The following FIG4 variants were observed in gnomAD, a reference collection of about 807,000 sequenced individuals.
FIG4 encodes polyphosphoinositide phosphatase.
FIG4 carries 112 observed loss-of-function variants against 118.6 expected under a neutral mutation model. The observed-to-expected ratio is 0.94, with a 90% CI of 0.81 to 1.11. The LOEUF (loss-of-function observed/expected upper bound fraction) is 1.11, where lower values mean the gene tolerates loss of function less well. Ranked by LOEUF, FIG4 falls within the 50% of genes least tolerant of loss-of-function variation. The pLI is 0.00. For missense variants in FIG4, 969 were observed against 1,111.7 expected (o/e 0.87, Z 1.83); for synonymous variants, 369 against 381.2 (o/e 0.97, Z 0.37).
intron 15 of FIG4, among the ~76,000 whole-genome samples, chr6:109,774,032 A>G (rs1046562651): frequency 6.6e-6 from 1 of 152,044 alleles, no homozygotes; most frequent in Non-Finnish European, 1.5e-5. Flanking sequence ...GGCTGGTCTC[A>G]ATCTTGTGAG....
At chr6:109,793,073 C>T (rs554535910) in intron 21 of FIG4, among the ~76,000 whole-genome samples, 3 of 152,234 alleles carry the variant, frequency 2.0e-5, no homozygotes, top group Admixed American at 2.0e-4. Context: ...AGCATTGAGG[C>T]GGTCAAATTC....
chr6:109,754,019 G>GTTGA (rs1776800324), intron 10 of FIG4, among the ~76,000 whole-genome samples: 1 of 152,130 alleles, frequency 6.6e-6, no homozygotes, highest in South Asian at 2.1e-4. Context: ...TCTTGTGCCA[G>GTTGA]TTTTCAAAGG....
intron 22 of FIG4, among the ~76,000 whole-genome samples, chr6:109,819,675 G>A (rs1778953508): frequency 6.6e-6 from 1 of 151,916 alleles, no homozygotes; most frequent in East Asian, 1.9e-4. Flanking sequence ...CACCATATTG[G>A]CCAGGCTGAT....
chr6:109,809,612 G>A (rs749834878), intron 22 of FIG4, among the ~76,000 whole-genome samples: 2 of 152,140 alleles, frequency 1.3e-5, no homozygotes, highest in African/African-American at 4.8e-5. Context: ...AACCAGGGAC[G>A]TTATTATGTT....
At chr6:109,695,432 G>A (rs544552699) in intron 1 of FIG4, among the ~76,000 whole-genome samples, 3 of 152,336 alleles carry the variant, frequency 2.0e-5, no homozygotes, top group East Asian at 1.9e-4. Flanking sequence ...ATGAGCAGCA[G>A]CATTGTTGTG....
intron 22 of FIG4, among the ~76,000 whole-genome samples, chr6:109,809,651 A>C (rs937751501): frequency 6.6e-6 from 1 of 152,202 alleles, no homozygotes; most frequent in Non-Finnish European, 1.5e-5. Flanking sequence ...TGCCAGCAGG[A>C]TGATATCTGT....
At chr6:109,778,422 A>T (rs1410936910) in intron 16 of FIG4, among the ~76,000 whole-genome samples, 1 of 150,698 alleles carries the variant, frequency 6.6e-6, no homozygotes, top group Non-Finnish European at 1.5e-5. Context: ...ATGAGCCGAG[A>T]TGGTGCCACG....
At chr6:109,725,842 A>G (rs911065034) in intron 3 of FIG4, among the ~76,000 whole-genome samples, 11 of 152,170 alleles carry the variant, frequency 7.2e-5, no homozygotes, top group African/African-American at 2.7e-4. Flanking sequence ...CATTTCTTTA[A>G]TGATAAGTGA....
chr6:109,743,425 G>A lies in FIG4; in HGVS notation c.1039+153G>A, dbSNP rs557806418. ...GAAGAGGAATTTCCGTTATTCTTAT[G>A]TAATAAATTTATGTTTAATTTTGAC... On this transcript the variant is annotated intron_variant, in intron 9 of 22. Coordinates refer to ENST00000230124, the MANE Select transcript of FIG4 (RefSeq NM_014845.6). The A allele has an allele frequency of 1.2e-5, 9 of 726,030 alleles. No homozygotes were observed. In the African/African-American group the frequency reaches 1.6e-4, roughly 13 times the overall value. 45.0% of individuals were successfully genotyped at this position (726,030 alleles called of 1,614,324 possible).
In FIG4 at chr6:109,784,961, AT is replaced by A; in HGVS notation, c.1890-5del. On this transcript the variant is annotated splice_region_variant and splice_polypyrimidine_tract_variant and intron_variant, in intron 16 of 22. Coordinates refer to ENST00000230124, the MANE Select transcript of FIG4 (RefSeq NM_014845.6). ...TGGTTCATCTTTTTTTTTAATTTTT[AT>A]TTTATAGTTATACTTACTGGTGGAC... The A allele has an allele frequency of 6.9e-7, 1 of 1,453,124 alleles. No individual in the cohort carries two copies. Among genetic ancestry groups the A allele is most frequent in the Non-Finnish European group, 9.5e-7 (1 of 1,056,684 alleles). 90.0% of individuals were successfully genotyped at this position (1,453,124 alleles called of 1,614,324 possible).
chr6:109,783,914 CA>C (rs1434396386), intron 16 of FIG4, among the ~76,000 whole-genome samples: 42 of 152,302 alleles, frequency 2.8e-4, no homozygotes, highest in African/African-American at 9.6e-4. Context: ...TGATTTGCCC[CA>C]CACAATTCAT....
intron 1 of FIG4, among the ~76,000 whole-genome samples, chr6:109,709,733 G>T (rs1239216042): frequency 6.6e-6 from 1 of 152,148 alleles, no homozygotes; most frequent in Non-Finnish European, 1.5e-5. Flanking sequence ...TTGTGAATGG[G>T]AGTTTGTCCC....
chr6:109,796,835 G>T lies in FIG4; in HGVS notation c.2530G>T (p.Asp844Tyr). 1 of 1,599,420 alleles carries T rather than the reference G, an allele frequency of 6.3e-7. No individual in the cohort carries two copies. The highest frequency in any genetic ancestry group is 8.6e-7 in the Non-Finnish European group (1 of 1,166,574). The change falls in exon 22 of 23, where the codon GAT (aspartate) becomes TAT (tyrosine). Residue 844 changes from aspartate to tyrosine, a missense_variant. Asp to Tyr is a radical substitution (Grantham distance 160, BLOSUM62 -3). Around this residue, in one of 3 missense-constraint regions of FIG4, gnomAD observed 330 missense variants for 348.1 expected, o/e 0.95. Coordinates refer to ENST00000230124, the MANE Select transcript of FIG4 (RefSeq NM_014845.6). ...CCAGCAGCCCTGTTCTAGGTGCTCA[G>T]ATGGAGTTATAAAACTGTAAGTACT... Reference protein sequence around the residue: ...NSQQPCSRCSDGVIKLTPISA... With the variant: ...NSQQPCSRCSYGVIKLTPISA...
chr6:109,720,117 A>G (rs1025299964), intron 3 of FIG4, among the ~76,000 whole-genome samples: 1 of 152,208 alleles, frequency 6.6e-6, no homozygotes, highest in African/African-American at 2.4e-5. Flanking sequence ...GTAAAGTAAG[A>G]CAATAACGTA....
intron 10 of FIG4, among the ~76,000 whole-genome samples, chr6:109,752,738 A>G (rs1206025619): frequency 1.3e-5 from 2 of 152,212 alleles, no homozygotes; most frequent in African/African-American, 4.8e-5. Context: ...TCTAGATATT[A>G]GCCCTTAGTC....
intron 18 of FIG4, 107 bp downstream of exon 18, chr6:109,786,556 C>G: frequency 7.9e-7 from 1 of 1,263,954 alleles, no homozygotes; most frequent in South Asian, 1.2e-5. Context: ...GGCCTTCTGT[C>G]AGGTGGGTAG....
In FIG4 at chr6:109,712,087, A is replaced by G. The variant is rs567273102; in HGVS notation, c.67-2991A>G. Among the ~76,000 whole-genome samples the G allele has an allele frequency of 1.9e-3, 285 of 152,266 alleles. 2 individuals are homozygous for G. Among genetic ancestry groups the G allele is most frequent in the African/African-American group, 6.5e-3 (272 of 41,544 alleles). On this transcript the variant is annotated intron_variant, in intron 1 of 22. Transcript: ENST00000230124. ...TCAAGAAGGTGAATATTGGCCCCCA[A>G]TCTCTTCTGGCTTTTAGGGCTTCAG...
chr6:109,716,055 A>G (rs993277667), intron 2 of FIG4, among the ~76,000 whole-genome samples: 2 of 152,144 alleles, frequency 1.3e-5, no homozygotes, highest in African/African-American at 2.4e-5. Flanking sequence ...GATCGGAGCA[A>G]TTGGTCAGAG....
intron 3 of FIG4, among the ~76,000 whole-genome samples, chr6:109,726,619 AAGT>A (rs1472153992): frequency 1.3e-5 from 2 of 152,102 alleles, no homozygotes; most frequent in Non-Finnish European, 2.9e-5. Context: ...ATGAAATTTA[AAGT>A]AGTTTTTTCT....
Sources: allele counts gnomAD v4.1 joint callset (sites outside exome capture counted in the v4.1 genomes callset), GRCh38; gene constraint gnomAD v4.1.1; regional missense constraint gnomAD v4.1.1; transcripts MANE v1.5; gene names NCBI Gene and HGNC (gene_info 2026-07-23, HGNC 2026-07-21).